Variants in PAPPA2 observed in about 807,000 individuals in gnomAD.
The protein encoded by PAPPA2 is pappalysin 2, also known as pappalysin-2.
In PAPPA2, 86 loss-of-function variants were observed where a neutral mutation model predicts 176.4. That is an observed-to-expected ratio of 0.49 (90% CI 0.41 to 0.58). PAPPA2 has a LOEUF of 0.58. Ranked by LOEUF, PAPPA2 falls within the 20% of genes least tolerant of loss-of-function variation. PAPPA2 has a pLI of 0.00. For synonymous variants in PAPPA2, 809 were observed against 852.2 expected (o/e 0.95, Z 0.88); for missense variants, 2,073 against 2,256.9 (o/e 0.92, Z 1.65).
intron 12 of PAPPA2, among the ~76,000 whole-genome samples, chr1:176,718,189 G>A (rs973835979): frequency 6.6e-5 from 10 of 151,890 alleles, no homozygotes; most frequent in Middle Eastern, 6.8e-3. Context: ...CAAATAATTT[G>A]TCCCTTAAAA....
chr1:176,587,350 ATGAAGTCTTTGCCCATGCCTATGTTC>A (rs1327283842), intron 2 of PAPPA2, among the ~76,000 whole-genome samples: 2 of 152,146 alleles, frequency 1.3e-5, no homozygotes, highest in Non-Finnish European at 2.9e-5. Context: ...CATTTTTGTC[ATGAAGTCTTTGCCCATGCCTATGTTC>A]TGAATGGTAA....
rs201098734 is a variant in PAPPA2, at chr1:176,706,339, A to G, written c.3366-20A>G. The stretch of plus-strand genomic sequence containing the variant: ...ATTTGTGTGTATGTGTTATATATGC[A>G]TATATATTTTACCCTCTAGGAGACT... On this transcript the variant is annotated intron_variant, in intron 9 of 22. Transcript: ENST00000367662. The G allele has an allele frequency of 3.7e-4, 587 of 1,598,748 alleles. No individual in the cohort carries two copies. Among genetic ancestry groups the G allele is most frequent in the Admixed American group, 2.5e-4 (15 of 59,774 alleles).
At chr1:176,814,244 T>G (rs1253383928) in intron 21 of PAPPA2, among the ~76,000 whole-genome samples, 1 of 152,202 alleles carries the variant, frequency 6.6e-6, no homozygotes, top group African/African-American at 2.4e-5. Flanking sequence ...TCTTTTTGTT[T>G]AGGATTATAT....
At chr1:176,831,696 A>G (rs12133731) in intron 21 of PAPPA2, among the ~76,000 whole-genome samples, 9,994 of 152,188 alleles carry the variant, frequency 0.066, 383 homozygotes, top group Non-Finnish European at 0.086. Context: ...CTATTTGAAA[A>G]GGGCCGTGAG....
chr1:176,744,571 T>C (rs779420407), intron 14 of PAPPA2, among the ~76,000 whole-genome samples: 1 of 152,164 alleles, frequency 6.6e-6, no homozygotes, highest in Non-Finnish European at 1.5e-5. Context: ...CTATACTTCC[T>C]AACCTGAAGT....
At chr1:176,623,707 T>G (rs1213000872) in intron 3 of PAPPA2, among the ~76,000 whole-genome samples, 2 of 109,858 alleles carry the variant, frequency 1.8e-5, no homozygotes, top group Non-Finnish European at 3.6e-5. Context: ...CCTTTCTTTC[T>G]TTTCTTCTTT....
chr1:176,821,250 G>A (rs1666653301), intron 21 of PAPPA2, among the ~76,000 whole-genome samples: 1 of 152,172 alleles, frequency 6.6e-6, no homozygotes, highest in African/African-American at 2.4e-5. Context: ...ACTATCCAAT[G>A]AGTATAAGCC....
At chr1:176,543,788 G>A (rs1650487011) in intron 1 of PAPPA2, among the ~76,000 whole-genome samples, 1 of 152,206 alleles carries the variant, frequency 6.6e-6, no homozygotes, top group Non-Finnish European at 1.5e-5. Context: ...AGCCCATTAG[G>A]TTTGAGGTGA....
intron 12 of PAPPA2, among the ~76,000 whole-genome samples, chr1:176,733,011 T>C (rs1489665756): frequency 3.3e-5 from 5 of 152,134 alleles, no homozygotes; most frequent in African/African-American, 1.2e-4. Context: ...CAAACCCTAT[T>C]GTGAACTGCA....
chr1:176,616,240 A>G (rs1573132307), intron 3 of PAPPA2: 2 of 446,070 alleles, frequency 4.5e-6, no homozygotes, highest in Admixed American at 2.7e-5. Flanking sequence ...CTCAAGTTCC[A>G]CTTCCAATAG....
chr1:176,626,528 A>G (rs1175312852), intron 3 of PAPPA2, among the ~76,000 whole-genome samples: 1 of 152,242 alleles, frequency 6.6e-6, no homozygotes, highest in Non-Finnish European at 1.5e-5. Context: ...CAGAAAAGTC[A>G]AACTGACAAA....
intron 2 of PAPPA2, among the ~76,000 whole-genome samples, chr1:176,591,482 AT>A (rs147219183): frequency 0.15 from 23,220 of 152,166 alleles, 2,010 homozygotes; most frequent in South Asian, 0.24. Context: ...TCCCAGAGCT[AT>A]TTATGCTTTC....
At chr1:176,827,787 G>A (rs947394616) in intron 21 of PAPPA2, among the ~76,000 whole-genome samples, 4 of 152,002 alleles carry the variant, frequency 2.6e-5, no homozygotes, top group Admixed American at 1.3e-4. Context: ...AATATCCCAG[G>A]ATTCTAGCAA....
At position 176,706,349 on chromosome 1, in the gene PAPPA2, T is replaced by C; in HGVS notation, c.3366-10T>C. On this transcript the variant is annotated splice_polypyrimidine_tract_variant and intron_variant, in intron 9 of 22. Transcript: ENST00000367662. Reference sequence around the variant, plus strand: ...ATGTGTTATATATGCATATATATTTTACCCTCTAGGAGACTGGGAGAAGAG... The same window carrying C: ...ATGTGTTATATATGCATATATATTTCACCCTCTAGGAGACTGGGAGAAGAG... 1 of 1,611,968 alleles carries C rather than the reference T, an allele frequency of 6.2e-7. No homozygotes were observed.
In PAPPA2 at chr1:176,571,503, G is replaced by A. The variant is rs1263452876; in HGVS notation, c.919+14262G>A. ...CCTGGAACATAAGGGCTTGGTTAAT[G>A]CCTGTTGCTATTTCACCCTTCTGTG... On this transcript the variant is annotated intron_variant, in intron 2 of 22. Transcript: ENST00000367662. Among the ~76,000 whole-genome samples the A allele has an allele frequency of 3.9e-5, 6 of 152,310 alleles. No homozygotes were observed. In the Middle Eastern group the frequency reaches 0.017, roughly 432 times the overall value.
intron 3 of PAPPA2, among the ~76,000 whole-genome samples, chr1:176,666,524 G>A (rs1264259310): frequency 6.6e-6 from 1 of 151,434 alleles, no homozygotes; most frequent in Non-Finnish European, 1.5e-5. Context: ...GTGGGATCGG[G>A]AAAAGGGAAT....
intron 6 of PAPPA2, among the ~76,000 whole-genome samples, chr1:176,693,968 G>A (rs905324021): frequency 2.0e-5 from 3 of 152,162 alleles, no homozygotes; most frequent in Non-Finnish European, 2.9e-5. Context: ...ACATCAGTAC[G>A]GGCGTGCTGA....
At chr1:176,774,298 T>C (rs1413794328) in intron 17 of PAPPA2, among the ~76,000 whole-genome samples, 1 of 152,192 alleles carries the variant, frequency 6.6e-6, no homozygotes, top group African/African-American at 2.4e-5. Flanking sequence ...CCTGCCACTA[T>C]AGTATCTTCC....
chr1:176,480,866 G>A (rs1331182342), intron 1 of PAPPA2, among the ~76,000 whole-genome samples: 1 of 151,404 alleles, frequency 6.6e-6, no homozygotes, highest in African/African-American at 2.4e-5. Context: ...ACTAAAGCCA[G>A]TCACCCGACT....
Sources: gnomAD v4.1 joint callset for allele counts (sites outside exome capture counted in the v4.1 genomes callset) on GRCh38, gnomAD v4.1.1 for gene constraint, MANE v1.5 for transcripts, NCBI Gene and HGNC (gene_info 2026-07-23, HGNC 2026-07-21) for gene names.